The following PPFIA2 variants were observed in gnomAD, a reference collection of about 807,000 sequenced individuals.
The protein encoded by PPFIA2 is PPFI scaffold protein A2.
Under a neutral mutation model 175.5 loss-of-function variants are expected in PPFIA2, and 46 were observed. The ratio of observed to expected loss-of-function variants is 0.26; its 90% CI spans 0.21 to 0.34. The LOEUF (loss-of-function observed/expected upper bound fraction) is 0.34, where lower values mean the gene tolerates loss of function less well. PPFIA2 is among the 10% of genes least tolerant of loss of function. The pLI is 1.00. For synonymous variants in PPFIA2, 568 were observed against 511.4 expected (o/e 1.11, Z -1.49); for missense variants, 1,179 against 1,506.1 (o/e 0.78, Z 3.60).
At chr12:81,658,999 C>T (rs1596096747) in intron 4 of PPFIA2, among the ~76,000 whole-genome samples, 1 of 152,212 alleles carries the variant, frequency 6.6e-6, no homozygotes. Flanking sequence ...TGCCCTATTT[C>T]ATTAACACTG....
At chr12:81,706,611 C>A (rs986067472) in intron 3 of PPFIA2, among the ~76,000 whole-genome samples, 2 of 152,074 alleles carry the variant, frequency 1.3e-5, no homozygotes, top group African/African-American at 4.8e-5. Context: ...TATAGTAATA[C>A]CCGGCCGTGT....
chr12:81,537,319 C>T (rs1303741740), intron 4 of PPFIA2, among the ~76,000 whole-genome samples: 1 of 151,780 alleles, frequency 6.6e-6, no homozygotes, highest in Non-Finnish European at 1.5e-5. Context: ...GCAATGGAGA[C>T]ACCATCTCCT....
intron 4 of PPFIA2, among the ~76,000 whole-genome samples, chr12:81,473,928 T>C (rs1178959965): frequency 6.6e-6 from 1 of 152,170 alleles, no homozygotes; most frequent in African/African-American, 2.4e-5. Context: ...ATTTATGTAA[T>C]AAATAATGTT....
intron 4 of PPFIA2, among the ~76,000 whole-genome samples, chr12:81,585,578 A>T (rs547230380): frequency 2.0e-5 from 3 of 151,956 alleles, no homozygotes; most frequent in East Asian, 3.9e-4. Context: ...GAGGCTCATG[A>T]TCATCACCAC....
chr12:81,583,890 G>C (rs941062172), intron 4 of PPFIA2, among the ~76,000 whole-genome samples: 1 of 151,866 alleles, frequency 6.6e-6, no homozygotes, highest in African/African-American at 2.4e-5. Context: ...ACCATGGCTG[G>C]TATGTATGTA....
chr12:81,382,705 C>T (rs1461910560), intron 9 of PPFIA2, among the ~76,000 whole-genome samples: 2 of 152,066 alleles, frequency 1.3e-5, no homozygotes, highest in Admixed American at 6.6e-5. Flanking sequence ...GCAGGAGGGT[C>T]TGGTTTGCTG....
At chr12:81,742,584 GT>G (rs2153655427) in intron 3 of PPFIA2, among the ~76,000 whole-genome samples, 1 of 152,194 alleles carries the variant, frequency 6.6e-6, no homozygotes, top group East Asian at 1.9e-4. Flanking sequence ...TTTTGTACAC[GT>G]TAGACAATAA....
chr12:81,451,107 C>T (rs758604187), intron 5 of PPFIA2, among the ~76,000 whole-genome samples: 6 of 152,078 alleles, frequency 3.9e-5, no homozygotes, highest in Non-Finnish European at 8.8e-5. Context: ...GACACACATA[C>T]ACACGCTCAC....
At chr12:81,735,455 T>A (rs538508511) in intron 3 of PPFIA2, among the ~76,000 whole-genome samples, 1 of 151,868 alleles carries the variant, frequency 6.6e-6, no homozygotes, top group Non-Finnish European at 1.5e-5. Context: ...CCTCTTCTTA[T>A]TGACTTGTGA....
rs547255261 is a variant in PPFIA2, at chr12:81,454,274, A to G, written c.405+3491T>C. 1.3e-5 allele frequency among the ~76,000 whole-genome samples: 2 copies of G among 152,304 alleles called. 1 individual carries two copies. Among genetic ancestry groups the G allele is most frequent in the East Asian group, 3.9e-4 (2 of 5,174 alleles). On this transcript the variant is annotated intron_variant, in intron 5 of 32. Transcript: ENST00000549396. The stretch of plus-strand genomic sequence containing the variant: ...GAACAAACTGTATTCTTCTTTGAAC[A>G]TAATACCTTTGCATCACATGTGAAT...
intron 4 of PPFIA2, among the ~76,000 whole-genome samples, chr12:81,552,530 T>C (rs914619063): frequency 2.6e-5 from 4 of 152,012 alleles, no homozygotes; most frequent in Non-Finnish European, 4.4e-5. Context: ...AACAGTACCT[T>C]CTAGTATCTA....
intron 4 of PPFIA2, among the ~76,000 whole-genome samples, chr12:81,514,828 A>G (rs1242246934): frequency 6.6e-6 from 1 of 151,898 alleles, no homozygotes; most frequent in Admixed American, 6.6e-5. Context: ...TTGATACAAG[A>G]TTGGTAGAAA....
chr12:81,372,488 G>A, intron 11 of PPFIA2, among the ~76,000 whole-genome samples: 1 of 110,824 alleles, frequency 9.0e-6, no homozygotes, highest in Non-Finnish European at 2.0e-5. Context: ...CCATAATAAG[G>A]AAATATCAGA....
At chr12:81,423,902 C>T (rs1204869592) in intron 7 of PPFIA2, among the ~76,000 whole-genome samples, 3 of 151,994 alleles carry the variant, frequency 2.0e-5, no homozygotes, top group African/African-American at 7.2e-5. Context: ...AGTAAAGTTG[C>T]AGAATACAAA....
chr12:81,545,901 G>C (rs2066915754), intron 4 of PPFIA2: 1 of 152,140 alleles, frequency 6.6e-6, no homozygotes, highest in South Asian at 2.1e-4. Flanking sequence ...GAGGCAGGCG[G>C]ATCACCTTAG....
intron 27 of PPFIA2, chr12:81,279,405 T>C (rs1035805392): frequency 3.3e-5 from 5 of 152,190 alleles, no homozygotes; most frequent in African/African-American, 4.8e-5. Context: ...AATACTGATA[T>C]AATCACTATC....
chr12:81,639,850 G>C (rs188180541), intron 4 of PPFIA2, among the ~76,000 whole-genome samples: 1 of 152,190 alleles, frequency 6.6e-6, no homozygotes, highest in African/African-American at 2.4e-5. Flanking sequence ...GACAACCTCT[G>C]CCCTATGGTG....
At chr12:81,265,286 T>G (rs2036902037) in intron 30 of PPFIA2, among the ~76,000 whole-genome samples, 1 of 99,092 alleles carries the variant, frequency 1.0e-5, no homozygotes, top group Non-Finnish European at 1.9e-5. Flanking sequence ...AGAGCGAAAC[T>G]CTGTCAAAAA....
At chr12:81,514,166 C>T (rs2062124165) in intron 4 of PPFIA2, among the ~76,000 whole-genome samples, 2 of 151,894 alleles carry the variant, frequency 1.3e-5, no homozygotes, top group African/African-American at 4.8e-5. Context: ...CTATCCCAGT[C>T]AAGTTCCCCC....
Sources: gnomAD v4.1 joint callset for allele counts (sites outside exome capture counted in the v4.1 genomes callset) on GRCh38, gnomAD v4.1.1 for gene constraint, MANE v1.5 for transcripts, NCBI Gene and HGNC (gene_info 2026-07-23, HGNC 2026-07-21) for gene names.